DAB1: variants seen among roughly 807,000 people sequenced by gnomAD.
The protein encoded by DAB1 is disabled homolog 1.
In DAB1, 15 loss-of-function variants were observed where a neutral mutation model predicts 64.6. The ratio of observed to expected loss-of-function variants is 0.23; its 90% CI spans 0.16 to 0.36. DAB1 has a LOEUF of 0.36. DAB1 is among the 10% of genes least tolerant of loss of function. The pLI is 1.00. For missense variants in DAB1, 596 were observed against 706.7 expected, an observed-to-expected ratio of 0.84 and a Z score of 1.78; for synonymous variants, 235 against 251.9, an observed-to-expected ratio of 0.93 and a Z score of 0.64.
intron 1 of DAB1, among the ~76,000 whole-genome samples, chr1:57,857,493 T>C (rs1173829744): frequency 6.6e-6 from 1 of 152,194 alleles, no homozygotes; most frequent in Non-Finnish European, 1.5e-5. Flanking sequence ...GACCCTGTTG[T>C]AGATACTTTA....
intron 5 of DAB1, among the ~76,000 whole-genome samples, chr1:57,915,129 T>TAAA (rs11321322): frequency 1.7e-5 from 2 of 117,354 alleles, no homozygotes; most frequent in African/African-American, 6.4e-5. Context: ...CTTTAAATCA[T>TAAA]AAAAAAAAAA....
At chr1:57,316,244 T>C (rs1675197251) in intron 1 of DAB1, among the ~76,000 whole-genome samples, 1 of 152,244 alleles carries the variant, frequency 6.6e-6, no homozygotes, top group Non-Finnish European at 1.5e-5. Flanking sequence ...TGTATTATTC[T>C]ATGCCTAGAA....
chr1:57,624,397 G>A (rs775427695), intron 7 of DAB1, among the ~76,000 whole-genome samples: 5 of 152,126 alleles, frequency 3.3e-5, no homozygotes, highest in African/African-American at 4.8e-5. Flanking sequence ...GGGTGAAATG[G>A]AAACGATGAA....
intron 7 of DAB1, among the ~76,000 whole-genome samples, chr1:57,432,995 A>G (rs1208075002): frequency 1.3e-5 from 2 of 152,240 alleles, no homozygotes; most frequent in Admixed American, 6.5e-5. Context: ...TAACACAGAA[A>G]TACATTGAAC....
At chr1:57,902,907 C>A (rs1644496960) in intron 5 of DAB1, among the ~76,000 whole-genome samples, 1 of 152,072 alleles carries the variant, frequency 6.6e-6, no homozygotes, top group Admixed American at 6.6e-5. Flanking sequence ...AAAGACATAC[C>A]CGAGACTGGG....
intron 1 of DAB1, among the ~76,000 whole-genome samples, chr1:57,338,943 A>G (rs1677323955): frequency 6.6e-6 from 1 of 152,148 alleles, no homozygotes; most frequent in African/African-American, 2.4e-5. Flanking sequence ...AGGCTAAGTT[A>G]CTTACCTTTT....
chr1:57,707,628 A>G (rs1258144918), intron 6 of DAB1, among the ~76,000 whole-genome samples: 1 of 152,136 alleles, frequency 6.6e-6, no homozygotes, highest in East Asian at 1.9e-4. Flanking sequence ...ACCATTTTAC[A>G]TTCTTGTGTC....
chr1:57,071,266 C>G, intron 6 of DAB1: 1 of 657,546 alleles, frequency 1.5e-6, no homozygotes, highest in Non-Finnish European at 2.6e-6. Flanking sequence ...ACAGCAAAAG[C>G]AATTGTGTTT....
At chr1:57,247,793 A>G (rs1007169184) in intron 2 of DAB1, among the ~76,000 whole-genome samples, 1 of 152,188 alleles carries the variant, frequency 6.6e-6, no homozygotes, top group African/African-American at 2.4e-5. Context: ...ACTTATATGG[A>G]TGCTCTTTTA....
intron 2 of DAB1, among the ~76,000 whole-genome samples, chr1:57,225,392 G>T (rs950118451): frequency 6.6e-6 from 1 of 152,132 alleles, no homozygotes; most frequent in Non-Finnish European, 1.5e-5. Flanking sequence ...GAACTGAATT[G>T]AAGGACACAA....
chr1:57,865,461 G>A (rs1569876765), intron 1 of DAB1, among the ~76,000 whole-genome samples: 1 of 151,996 alleles, frequency 6.6e-6, no homozygotes, highest in South Asian at 2.1e-4. Flanking sequence ...TGGTCTCCCT[G>A]AGCCACACAC....
intron 5 of DAB1, among the ~76,000 whole-genome samples, chr1:58,101,181 G>A (rs369526340): frequency 2.0e-5 from 3 of 152,150 alleles, no homozygotes; most frequent in Non-Finnish European, 4.4e-5. Flanking sequence ...GCCGGGCATG[G>A]TGGTGGGCAC....
At chr1:57,789,908 A>C (rs1266258538) in intron 6 of DAB1, among the ~76,000 whole-genome samples, 1 of 152,162 alleles carries the variant, frequency 6.6e-6, no homozygotes, top group Non-Finnish European at 1.5e-5. Context: ...TGACCTGCCA[A>C]GGTGTGGCAG....
At chr1:57,688,832 T>C (rs539273099) in intron 6 of DAB1, among the ~76,000 whole-genome samples, 33 of 152,228 alleles carry the variant, frequency 2.2e-4, no homozygotes, top group African/African-American at 7.5e-4. Flanking sequence ...CCAAATACCA[T>C]ATATTCTCAC....
intron 6 of DAB1, among the ~76,000 whole-genome samples, chr1:57,799,112 G>A (rs898798716): frequency 6.6e-6 from 1 of 152,144 alleles, no homozygotes; most frequent in African/African-American, 2.4e-5. Flanking sequence ...CTGTGAATGC[G>A]TTTCTTCGGC....
intron 5 of DAB1, among the ~76,000 whole-genome samples, chr1:58,011,770 T>A (rs1646671433): frequency 6.6e-6 from 1 of 152,004 alleles, no homozygotes; most frequent in South Asian, 2.1e-4. Flanking sequence ...TCATTGCAAT[T>A]TCCCCTCCAC....
chr1:57,249,581 T>A (rs686702), intron 2 of DAB1, among the ~76,000 whole-genome samples: 89,030 of 152,006 alleles, frequency 0.59, 26,277 homozygotes, highest in Admixed American at 0.66. Context: ...CATGTTGCCC[T>A]GGCTGGTCTC....
intron 6 of DAB1, among the ~76,000 whole-genome samples, chr1:57,688,411 A>C (rs998319890): frequency 6.6e-6 from 1 of 152,170 alleles, no homozygotes; most frequent in African/African-American, 2.4e-5. Context: ...AAAGTCAAAT[A>C]ATAACAGATG....
intron 1 of DAB1, among the ~76,000 whole-genome samples, chr1:57,330,952 C>T (rs1206293535): frequency 2.0e-5 from 3 of 152,142 alleles, no homozygotes; most frequent in Admixed American, 6.5e-5. Context: ...TAAACAGCAT[C>T]ATTTCTCTGT....
Sources: gnomAD v4.1 joint callset for allele counts (sites outside exome capture counted in the v4.1 genomes callset) on GRCh38, gnomAD v4.1.1 for gene constraint, MANE v1.5 for transcripts, NCBI Gene and HGNC (gene_info 2026-07-23, HGNC 2026-07-21) for gene names.